The following TEAD1 variants were observed in gnomAD, a reference collection of about 807,000 sequenced individuals.
TEAD1 encodes TEA domain transcription factor 1.
TEAD1 carries 9 observed loss-of-function variants against 54.9 expected under a neutral mutation model. That is an observed-to-expected ratio of 0.16 (90% confidence interval 0.10 to 0.29). The LOEUF (loss-of-function observed/expected upper bound fraction) is 0.29, where lower values mean the gene tolerates loss of function less well. Among genes scored for constraint, TEAD1 ranks in the 10% least tolerant of loss-of-function variants. The probability of loss-of-function intolerance (pLI) is 1.00; values close to 1 mark genes in which losing one functional copy is unlikely to be tolerated. For synonymous variants in TEAD1, 200 were observed against 187.8 expected (o/e 1.07, Z -0.53); for missense variants, 387 against 535.9 (o/e 0.72, Z 2.74).
chr11:12,913,290 A>G (rs937954538), intron 10 of TEAD1, among the ~76,000 whole-genome samples: 6 of 152,176 alleles, frequency 3.9e-5, no homozygotes, highest in Admixed American at 2.0e-4. Context: ...AAATTAAAAA[A>G]GTGATGCAGG....
At chr11:12,808,066 C>T (rs1946215122) in intron 3 of TEAD1, among the ~76,000 whole-genome samples, 1 of 152,092 alleles carries the variant, frequency 6.6e-6, no homozygotes, top group Non-Finnish European at 1.5e-5. Flanking sequence ...GAATATAGTA[C>T]ACAGCCTCAG....
At chr11:12,719,124 C>T (rs1175168118) in intron 2 of TEAD1, among the ~76,000 whole-genome samples, 1 of 151,876 alleles carries the variant, frequency 6.6e-6, no homozygotes, top group Non-Finnish European at 1.5e-5. Flanking sequence ...CAGGACAGGA[C>T]TCAAGTCCTG....
At chr11:12,822,252 G>A (rs1045255196) in intron 3 of TEAD1, among the ~76,000 whole-genome samples, 2 of 152,108 alleles carry the variant, frequency 1.3e-5, no homozygotes, top group Non-Finnish European at 2.9e-5. Context: ...GTGAGCCACC[G>A]GCAGTTGTGC....
chr11:12,843,305 C>T (rs909727309), intron 3 of TEAD1, among the ~76,000 whole-genome samples: 1 of 152,196 alleles, frequency 6.6e-6, no homozygotes. Flanking sequence ...CATGCATCCT[C>T]GTTCCTTATG....
intron 2 of TEAD1, among the ~76,000 whole-genome samples, chr11:12,738,871 G>A (rs1246544402): frequency 1.3e-5 from 2 of 152,154 alleles, no homozygotes; most frequent in East Asian, 3.9e-4. Flanking sequence ...ACTCCAGTAA[G>A]ACAAGGTTGC....
At chr11:12,812,339 T>C (rs966332451) in intron 3 of TEAD1, among the ~76,000 whole-genome samples, 3 of 152,152 alleles carry the variant, frequency 2.0e-5, no homozygotes, top group African/African-American at 7.2e-5. Flanking sequence ...GCATGCATGA[T>C]TGATCCCTAT....
chr11:12,679,941 C>G (rs892274763), intron 2 of TEAD1, among the ~76,000 whole-genome samples: 4 of 152,234 alleles, frequency 2.6e-5, no homozygotes, highest in Non-Finnish European at 4.4e-5. Context: ...TAACCTGATG[C>G]TACACACTGC....
chr11:12,779,284 G>A (rs183507641), intron 3 of TEAD1, among the ~76,000 whole-genome samples: 152 of 152,278 alleles, frequency 1.0e-3, no homozygotes, highest in African/African-American at 3.3e-3. Context: ...GAAGGGTGTT[G>A]AGTTAGGGTG....
At chr11:12,728,089 G>A (rs1330498284) in intron 2 of TEAD1, among the ~76,000 whole-genome samples, 3 of 152,148 alleles carry the variant, frequency 2.0e-5, no homozygotes, top group Non-Finnish European at 4.4e-5. Flanking sequence ...GAATGAGACA[G>A]AATGCAGTGT....
intron 9 of TEAD1, among the ~76,000 whole-genome samples, chr11:12,884,350 C>T (rs1307464785): frequency 6.6e-6 from 1 of 152,222 alleles, no homozygotes; most frequent in Non-Finnish European, 1.5e-5. Flanking sequence ...ACTCTCACCA[C>T]GTTCTCTATC....
At chr11:12,820,210 C>G (rs978870988) in intron 3 of TEAD1, among the ~76,000 whole-genome samples, 3 of 152,100 alleles carry the variant, frequency 2.0e-5, no homozygotes, top group African/African-American at 7.2e-5. Context: ...AATGTATACT[C>G]AGGACTCTTG....
At chr11:12,773,870 C>G (rs1945363250) in intron 3 of TEAD1, among the ~76,000 whole-genome samples, 2 of 152,234 alleles carry the variant, frequency 1.3e-5, no homozygotes, top group African/African-American at 2.4e-5. Context: ...TTGCCTAGCC[C>G]TAGGTCCTGA....
At chr11:12,740,926 T>G (rs1944638326) in intron 2 of TEAD1, among the ~76,000 whole-genome samples, 1 of 152,194 alleles carries the variant, frequency 6.6e-6, no homozygotes, top group Admixed American at 6.5e-5. Context: ...ATTCAAGGGC[T>G]TGAATGTCTG....
intron 5 of TEAD1, among the ~76,000 whole-genome samples, chr11:12,874,312 C>T (rs1171885179): frequency 6.6e-6 from 1 of 152,194 alleles, no homozygotes; most frequent in Non-Finnish European, 1.5e-5. Flanking sequence ...GAACAAGACT[C>T]CTCTGATATC....
At chr11:12,814,410 G>T (rs895820405) in intron 3 of TEAD1, among the ~76,000 whole-genome samples, 1 of 152,164 alleles carries the variant, frequency 6.6e-6, no homozygotes, top group Admixed American at 6.5e-5. Flanking sequence ...AGGAAGGGCA[G>T]CTGGAATCTT....
intron 3 of TEAD1, among the ~76,000 whole-genome samples, chr11:12,806,783 T>G (rs2133982581): frequency 6.6e-6 from 1 of 152,280 alleles, no homozygotes; most frequent in South Asian, 2.1e-4. Context: ...GAATAAAAAA[T>G]AAGTGAAGTA....
intron 10 of TEAD1, among the ~76,000 whole-genome samples, chr11:12,912,174 TCAA>T (rs1223355003): frequency 6.6e-6 from 1 of 152,124 alleles, no homozygotes; most frequent in Non-Finnish European, 1.5e-5. Flanking sequence ...AGAAAGTCAT[TCAA>T]CAAACATTTG....
chr11:12,905,965 G>A lies in TEAD1; in HGVS notation c.873+3852G>A, dbSNP rs570783828. On this transcript the variant is annotated intron_variant, in intron 10 of 12. Coordinates refer to ENST00000527636, the MANE Select transcript of TEAD1 (RefSeq NM_021961.6). ...TGCAGGCACCTCAGTTCTGCCAGTT[G>A]ACACTTGGAGGCGAATGGGATGGTG... 5.3e-5 allele frequency among the ~76,000 whole-genome samples: 8 copies of A among 152,126 alleles called. No individual in the cohort carries two copies. The South Asian group carries it at 1.7e-3, about 32-fold the overall frequency.
At chr11:12,848,174 C>T (rs936596965) in intron 3 of TEAD1, among the ~76,000 whole-genome samples, 1 of 152,298 alleles carries the variant, frequency 6.6e-6, no homozygotes, top group Non-Finnish European at 1.5e-5. Context: ...CTTCCTAGAC[C>T]ATAAACTCCT....
Sources: allele counts gnomAD v4.1 joint callset (sites outside exome capture counted in the v4.1 genomes callset), GRCh38; gene constraint gnomAD v4.1.1; transcripts MANE v1.5; gene names NCBI Gene and HGNC (gene_info 2026-07-23, HGNC 2026-07-21).